The following CUX1 variants were observed in gnomAD, a reference collection of about 807,000 sequenced individuals.
CUX1 encodes the protein protein CASP.
Under a neutral mutation model 158.8 loss-of-function variants are expected in CUX1, and 31 were observed. The observed-to-expected ratio is 0.20, with a 90% CI of 0.15 to 0.26. The LOEUF (loss-of-function observed/expected upper bound fraction) is 0.26, where lower values mean the gene tolerates loss of function less well. Ranked by LOEUF, CUX1 falls within the 10% of genes least tolerant of loss-of-function variation. CUX1 has a pLI of 1.00. For synonymous variants in CUX1, 879 were observed against 862.1 expected (o/e 1.02, Z -0.34); for missense variants, 1,589 against 2,014.6 (o/e 0.79, Z 4.04).
chr7:102,088,283 C>T (rs1233383723), intron 4 of CUX1, among the ~76,000 whole-genome samples: 1 of 152,178 alleles, frequency 6.6e-6, no homozygotes, highest in African/African-American at 2.4e-5. Flanking sequence ...CAAGCGTGAG[C>T]CACCGCGTCC....
intron 6 of CUX1, among the ~76,000 whole-genome samples, chr7:102,109,869 C>A (rs1382293564): frequency 6.6e-6 from 1 of 152,060 alleles, no homozygotes; most frequent in Non-Finnish European, 1.5e-5. Context: ...CCAACAGATT[C>A]ACTCTCAAAA....
rs188580814 is a variant in CUX1 at position 102,118,916 on chromosome 7, T to A, written c.674+3643T>A. Among the ~76,000 whole-genome samples, 31 of 152,124 alleles carry A rather than the reference T, an allele frequency of 2.0e-4. No homozygotes were observed. The East Asian group carries it at 5.6e-3, about 27-fold the overall frequency. ...ACAGGCGTGCGCCACCACATCCAGCTAATTTTTGTATTTTTAGTAGAGACG... is the reference window on the plus strand; with the variant it reads ...ACAGGCGTGCGCCACCACATCCAGCAAATTTTTGTATTTTTAGTAGAGACG... On this transcript the variant is annotated intron_variant, in intron 8 of 23. Coordinates refer to ENST00000292535, the MANE Select transcript of CUX1 (RefSeq NM_181552.4).
chr7:101,876,711 G>T (rs1799180780), intron 1 of CUX1, among the ~76,000 whole-genome samples: 1 of 151,718 alleles, frequency 6.6e-6, no homozygotes, highest in Admixed American at 6.6e-5. Context: ...AAAGAAAAAT[G>T]AAAAAGAAAA....
At chr7:101,894,431 C>T (rs1198162023) in intron 1 of CUX1, among the ~76,000 whole-genome samples, 1 of 152,194 alleles carries the variant, frequency 6.6e-6, no homozygotes, top group Non-Finnish European at 1.5e-5. Flanking sequence ...CTGCCTCAGC[C>T]TCCCAAGACG....
chr7:101,842,069 A>G (rs546075160), intron 1 of CUX1, among the ~76,000 whole-genome samples: 1 of 152,162 alleles, frequency 6.6e-6, no homozygotes, highest in Non-Finnish European at 1.5e-5. Context: ...AATACTGTAT[A>G]TTTTTTAGAT....
intron 2 of CUX1, among the ~76,000 whole-genome samples, chr7:102,019,536 C>G (rs1819092306): frequency 6.6e-6 from 1 of 152,042 alleles, no homozygotes; most frequent in South Asian, 2.1e-4. Flanking sequence ...CATCATCAGA[C>G]AAGTCTTGCA....
intron 2 of CUX1, among the ~76,000 whole-genome samples, chr7:101,984,089 A>AAAATATATATATAT (rs1221503978): frequency 3.4e-5 from 1 of 29,846 alleles, no homozygotes; most frequent in Admixed American, 3.4e-4. Context: ...AAAAAAAAAA[A>AAAATATATATATAT]ATATATATAT....
chr7:102,010,451 G>C (rs2129294609), intron 2 of CUX1, among the ~76,000 whole-genome samples: 1 of 149,680 alleles, frequency 6.7e-6, no homozygotes, highest in East Asian at 2.0e-4. Flanking sequence ...AAGAAAGGGA[G>C]ATTCACCAAG....
chr7:102,251,545 A>T lies in CUX1; in HGVS notation c.*2503A>T. On this transcript the variant is annotated 3_prime_UTR_variant, in exon 24 of 24. Coordinates refer to ENST00000292535, the MANE Select transcript of CUX1 (RefSeq NM_181552.4). ...TCGTTTGTCTTTTGTTGGGGGTATCATTTCTGAACTTGAAATCCAGTTCAG... is the reference window on the plus strand; with the variant it reads ...TCGTTTGTCTTTTGTTGGGGGTATCTTTTCTGAACTTGAAATCCAGTTCAG... The T allele has an allele frequency of 1.0e-6, 1 of 985,434 alleles. No homozygotes were observed. The highest frequency in any genetic ancestry group is 1.2e-6 in the Non-Finnish European group (1 of 829,934). The allele number at this position is 985,434 out of a possible 1,614,324, so 61.0% of individuals were successfully genotyped here. A position where few individuals can be genotyped will look rare whatever the true frequency, so the allele number is the denominator to read the frequency against.
chr7:102,072,953 C>G, intron 4 of CUX1, among the ~76,000 whole-genome samples: 1 of 151,956 alleles, frequency 6.6e-6, no homozygotes, highest in Non-Finnish European at 1.5e-5. Flanking sequence ...TTTGTTGGTT[C>G]CTCAGGCTCA....
At chr7:101,868,418 G>A (rs540580821) in intron 1 of CUX1, among the ~76,000 whole-genome samples, 3 of 152,310 alleles carry the variant, frequency 2.0e-5, no homozygotes, top group South Asian at 4.2e-4. Context: ...CATTTCCTGG[G>A]TAGAGTCTTG....
chr7:101,920,023 G>A (rs982494522), intron 2 of CUX1, among the ~76,000 whole-genome samples: 1 of 152,206 alleles, frequency 6.6e-6, no homozygotes, highest in Admixed American at 6.5e-5. Context: ...CAACTCCTGG[G>A]CTCAAGTGAT....
intron 22 of CUX1, among the ~76,000 whole-genome samples, chr7:102,238,179 C>G (rs1251562151): frequency 6.6e-6 from 1 of 152,114 alleles, no homozygotes; most frequent in Admixed American, 6.5e-5. Context: ...GCAGAGTCTT[C>G]TCTAAACTCC....
chr7:101,822,613 G>A (rs191384447), intron 1 of CUX1: 1 of 152,180 alleles, frequency 6.6e-6, no homozygotes, highest in Non-Finnish European at 1.5e-5. Context: ...TTCGAAAGAC[G>A]TCTAAGGCCG....
At chr7:102,282,962 C>T (rs1316792019) in intron 22 of CUX1, 2 of 1,240,804 alleles carry the variant, frequency 1.6e-6, no homozygotes, top group Non-Finnish European at 2.3e-6. Context: ...TCACATGGTA[C>T]ACACCCCCCT....
chr7:101,991,456 T>G (rs142881457), intron 2 of CUX1, among the ~76,000 whole-genome samples: 1 of 152,312 alleles, frequency 6.6e-6, no homozygotes, highest in African/African-American at 2.4e-5. Context: ...GATGTCTGCT[T>G]CTTTTAAAAA....
At chr7:102,040,546 C>T (rs1321631208) in intron 3 of CUX1, among the ~76,000 whole-genome samples, 1 of 152,180 alleles carries the variant, frequency 6.6e-6, no homozygotes, top group Non-Finnish European at 1.5e-5. Flanking sequence ...TCCCCATGGG[C>T]ACCGGCAGGA....
At chr7:102,105,956 C>A in intron 6 of CUX1, among the ~76,000 whole-genome samples, 1 of 152,054 alleles carries the variant, frequency 6.6e-6, no homozygotes, top group East Asian at 1.9e-4. Context: ...TATCCATCAA[C>A]AGGAAGCACT....
chr7:101,918,250 C>T lies in CUX1; in HGVS notation c.141+2025C>T, dbSNP rs148811923. Among the ~76,000 whole-genome samples, 1,026 of 152,334 alleles carry T rather than the reference C, an allele frequency of 6.7e-3. 7 individuals are homozygous for T. Among genetic ancestry groups the T allele is most frequent in the African/African-American group, 0.023 (956 of 41,572 alleles). ...CTGCTGATAAATGCCGCTTGTACTG[C>T]ACTGAGCCCTATCCCTCCATCGTGC... On this transcript the variant is annotated intron_variant, in intron 2 of 23. Coordinates refer to ENST00000292535, the MANE Select transcript of CUX1 (RefSeq NM_181552.4).
Sources: allele counts gnomAD v4.1 joint callset (sites outside exome capture counted in the v4.1 genomes callset), GRCh38; gene constraint gnomAD v4.1.1; transcripts MANE v1.5; gene names NCBI Gene and HGNC (gene_info 2026-07-23, HGNC 2026-07-21).